Variants in RHCG observed in about 807,000 individuals in gnomAD.
RHCG encodes the protein Rh family C glycoprotein.
In RHCG, 39 loss-of-function variants were observed where a neutral mutation model predicts 55.3. That is an observed-to-expected ratio of 0.70 (90% CI 0.55 to 0.92). The LOEUF (loss-of-function observed/expected upper bound fraction) is 0.92. Ranked by LOEUF, RHCG falls within the 40% of genes least tolerant of loss-of-function variation. RHCG has a pLI of 0.00. For synonymous variants in RHCG, 250 were observed against 246.8 expected, an observed-to-expected ratio of 1.01 and a Z score of -0.12; for missense variants, 635 against 627.9, an observed-to-expected ratio of 1.01 and a Z score of -0.12.
chr15:89,496,331 T>A, intron 1 of RHCG, 30 bp downstream of exon 1: 9 of 1,611,950 alleles, frequency 5.6e-6, no homozygotes, highest in Non-Finnish European at 7.6e-6. Flanking sequence ...CGGATATGCC[T>A]CCGCTGGGCC....
intron 1 of RHCG, among the ~76,000 whole-genome samples, chr15:89,490,187 G>T (rs927092966): frequency 6.6e-5 from 10 of 152,246 alleles, no homozygotes; most frequent in African/African-American, 2.2e-4. Context: ...CAAGGCTGCA[G>T]GAGCAATGCT....
At chr15:89,486,595 AGAGAGTGTGTGT>A (rs1184938464) in intron 2 of RHCG, 192 bp downstream of exon 2, 195 of 333,454 alleles carry the variant, frequency 5.8e-4, no homozygotes, top group African/African-American at 3.9e-3. Context: ...AGAGAGAGAG[AGAGAGTGTGTGT>A]GTGTGTGTGT....
At chr15:89,486,132 G>A (rs1252462724) in intron 2 of RHCG, 1 of 398,198 alleles carries the variant, frequency 2.5e-6, no homozygotes, top group Non-Finnish European at 5.1e-6. Context: ...GTGACAGTAG[G>A]GTGCTCCACC....
At chr15:89,478,968 C>T (rs1052696742) in intron 5 of RHCG, among the ~76,000 whole-genome samples, 35 of 152,040 alleles carry the variant, frequency 2.3e-4, no homozygotes, top group African/African-American at 7.0e-4. Context: ...GGCGTGGTAG[C>T]CTGCACCTGC....
rs958175782 is a variant in RHCG, at chr15:89,477,042, A to G, written c.1237+40T>C. The G allele has an allele frequency of 7.4e-6, 12 of 1,613,050 alleles. No homozygotes were observed. The highest frequency in any genetic ancestry group is 1.0e-5 in the Non-Finnish European group (12 of 1,179,260). ...TGCTTCTCCACCCAGGGAGCCCCACAGCAGCACCCCCCTTCTCTGGCTCAG... is the reference window on the plus strand; with the variant it reads ...TGCTTCTCCACCCAGGGAGCCCCACGGCAGCACCCCCCTTCTCTGGCTCAG... On this transcript the variant is annotated intron_variant, in intron 8 of 10. Coordinates refer to ENST00000268122, the MANE Select transcript of RHCG (RefSeq NM_016321.3). The surrounding 1 kb of genome is among the most constrained non-coding windows in gnomAD (Gnocchi z 4.5).
In RHCG at chr15:89,476,808, A is replaced by T. The variant is rs781057523; in HGVS notation, c.1258T>A (p.Phe420Ile). The T allele has an allele frequency of 1.2e-6, 2 of 1,614,120 alleles. No individual in the cohort carries two copies. The highest frequency in any genetic ancestry group is 2.2e-5 in the South Asian group (2 of 91,076). Residue 420 changes from phenylalanine (F) to isoleucine (I), a missense_variant, in exon 9 of 11, where the codon TTC becomes ATC. Transcript: ENST00000268122. Reference protein sequence around the residue: ...IIVGLILRLPFWGQPSDENCF... With the variant: ...IIVGLILRLPIWGQPSDENCF... Reference sequence around the variant, plus strand: ...TTCTCATCTGAAGGTTGTCCCCAGAATGGTAATCTCAAAATGAGCCCTACA... The same window carrying T: ...TTCTCATCTGAAGGTTGTCCCCAGATTGGTAATCTCAAAATGAGCCCTACA...
chr15:89,484,973 C>G (rs1026286979), intron 2 of RHCG, among the ~76,000 whole-genome samples: 6 of 152,014 alleles, frequency 3.9e-5, no homozygotes, highest in Non-Finnish European at 7.4e-5. Flanking sequence ...GGCCAGAAGC[C>G]AGGGGGAGGG....
chr15:89,476,897 C>A, intron 8 of RHCG, 69 bp from the exon 9 acceptor site: 1 of 1,546,958 alleles, frequency 6.5e-7, no homozygotes, highest in South Asian at 1.1e-5. Context: ...CCATTTCCCT[C>A]AGCTGGGAAA....
Position 89,477,575 on chromosome 15 carries a change from C to A in RHCG, c.1054G>T (p.Gly352Cys). 6.2e-7 allele frequency: 1 copy of A among 1,614,106 alleles called. No homozygotes were observed. Among genetic ancestry groups the A allele is most frequent in the Non-Finnish European group, 8.5e-7 (1 of 1,180,018 alleles). The change falls in exon 7 of 11, where the codon GGC (glycine) becomes TGC (cysteine). Residue 352 changes from glycine (G) to cysteine (C), a missense_variant. Coordinates refer to ENST00000268122, the MANE Select transcript of RHCG (RefSeq NM_016321.3). The surrounding 1 kb of genome is among the most constrained non-coding windows in gnomAD (Gnocchi z 4.5). Reference sequence around the variant, plus strand: ...GCCGCTGTCACAGCACCCACGATGCCGCCTATGATGCCAGGAATGCCATGC... The same window carrying A: ...GCCGCTGTCACAGCACCCACGATGCAGCCTATGATGCCAGGAATGCCATGC... ...NLHGIPGIIG[G>C]IVGAVTAASA...
At chr15:89,492,336 T>C (rs1460891113) in intron 1 of RHCG, among the ~76,000 whole-genome samples, 1 of 152,176 alleles carries the variant, frequency 6.6e-6, no homozygotes, top group Non-Finnish European at 1.5e-5. Context: ...CCCACACTAA[T>C]GGGCCTCTGC....
At chr15:89,472,492 C>T (rs965691184) in intron 10 of RHCG, among the ~76,000 whole-genome samples, 2 of 152,188 alleles carry the variant, frequency 1.3e-5, no homozygotes, top group Admixed American at 1.3e-4. Flanking sequence ...GGCCCTTGTG[C>T]CTTCACCTGT....
intron 1 of RHCG, among the ~76,000 whole-genome samples, chr15:89,495,208 C>G (rs1171743758): frequency 6.6e-6 from 1 of 152,136 alleles, no homozygotes; most frequent in South Asian, 2.1e-4. Flanking sequence ...TTTTGGCAGC[C>G]ACTTAATATG....
intron 9 of RHCG, among the ~76,000 whole-genome samples, chr15:89,474,081 A>C (rs1367557464): frequency 2.0e-5 from 3 of 152,270 alleles, no homozygotes; most frequent in Non-Finnish European, 2.9e-5. Flanking sequence ...AATTCTTATG[A>C]TAGAGTGGTA....
At position 89,477,415 on chromosome 15, in the gene RHCG, GA is replaced by G. The variant is rs1404769322; in HGVS notation, c.1112+101del. The G allele has an allele frequency of 1.6e-5, 24 of 1,511,166 alleles. No individual in the cohort carries two copies. The highest frequency in any genetic ancestry group is 2.1e-5 in the Non-Finnish European group (23 of 1,116,332). The allele number at this position is 1,511,166 out of a possible 1,614,324, so 93.6% of individuals were successfully genotyped here. ...AAACAATTGGTCCAGAGTGGGGAAG[GA>G]AAGGGAGAAAGATGCAGTCGGGTCC... On this transcript the variant is annotated intron_variant, in intron 7 of 10. Coordinates refer to ENST00000268122, the MANE Select transcript of RHCG (RefSeq NM_016321.3). This position sits in a 1 kb window ranked among gnomAD's most constrained non-coding sequence, Gnocchi z 4.5.
In RHCG at chr15:89,477,581, T is replaced by C; in HGVS notation, c.1048A>G (p.Ile350Val). 1 of 1,614,064 alleles carries C rather than the reference T, an allele frequency of 6.2e-7. No homozygotes were observed. Among genetic ancestry groups the C allele is most frequent in the Admixed American group, 1.7e-5 (1 of 60,014 alleles). ...GTCACAGCACCCACGATGCCGCCTATGATGCCAGGAATGCCATGCAGATTG... is the reference window on the plus strand; with the variant it reads ...GTCACAGCACCCACGATGCCGCCTACGATGCCAGGAATGCCATGCAGATTG... Reference protein sequence around the residue: ...INNLHGIPGIIGGIVGAVTAA... With the variant: ...INNLHGIPGIVGGIVGAVTAA... The change falls in exon 7 of 11, where the codon ATA (isoleucine) becomes GTA (valine). Residue 350 changes from isoleucine to valine, a missense_variant. Coordinates refer to ENST00000268122, the MANE Select transcript of RHCG (RefSeq NM_016321.3). This position sits in a 1 kb window ranked among gnomAD's most constrained non-coding sequence, Gnocchi z 4.5.
intron 1 of RHCG, among the ~76,000 whole-genome samples, chr15:89,491,251 C>T (rs1220169245): frequency 6.6e-6 from 1 of 152,122 alleles, no homozygotes. Flanking sequence ...GCTCTTCTCC[C>T]TGCTCTGGTG....
At chr15:89,484,563 C>T (rs1002460245) in intron 2 of RHCG, among the ~76,000 whole-genome samples, 5 of 151,948 alleles carry the variant, frequency 3.3e-5, no homozygotes, top group African/African-American at 1.2e-4. Context: ...AGGTGGATCA[C>T]GAGGTCAGCA....
chr15:89,495,058 C>CTA (rs1961541416), intron 1 of RHCG, among the ~76,000 whole-genome samples: 1 of 150,214 alleles, frequency 6.7e-6, no homozygotes, highest in South Asian at 2.1e-4. Context: ...CTGCAGCTGT[C>CTA]TAAGATATCT....
Position 89,472,349 on chromosome 15 carries a change from G to A in RHCG, c.*24+362C>T, listed in dbSNP as rs568239613. On this transcript the variant is annotated intron_variant, in intron 10 of 10. Transcript: ENST00000268122. ...GCTGAGCAACTGAATACAACCAGAC[G>A]TGTCAGCTTCATTTTTATAGATGAG... is the stretch of plus-strand genomic sequence containing the variant. 5.3e-5 allele frequency among the ~76,000 whole-genome samples: 8 copies of A among 152,282 alleles called. No homozygotes were observed. The East Asian group carries it at 7.7e-4, about 15-fold the overall frequency.
Sources: allele counts gnomAD v4.1 joint callset (sites outside exome capture counted in the v4.1 genomes callset), GRCh38; gene constraint gnomAD v4.1.1; non-coding constraint Gnocchi (gnomAD v3.1); transcripts MANE v1.5; gene names NCBI Gene and HGNC (gene_info 2026-07-23, HGNC 2026-07-21).